The following SRP19 variants were observed in gnomAD, a reference collection of about 807,000 sequenced individuals.
The protein encoded by SRP19 is signal recognition particle 19.
Under a neutral mutation model 22.4 loss-of-function variants are expected in SRP19, and 11 were observed. The ratio of observed to expected loss-of-function variants is 0.49; its 90% CI spans 0.31 to 0.81. The LOEUF (loss-of-function observed/expected upper bound fraction) is 0.81. SRP19 is among the 40% of genes least tolerant of loss of function. The probability of loss-of-function intolerance (pLI) is 0.05; values close to 1 mark genes in which losing one functional copy is unlikely to be tolerated. For missense variants in SRP19, 168 were observed against 175.9 expected, an observed-to-expected ratio of 0.96 and a Z score of 0.25; for synonymous variants, 61 against 57.6, an observed-to-expected ratio of 1.06 and a Z score of -0.27.
chr5:112,867,695 C>T lies in SRP19; in HGVS notation c.*158C>T, dbSNP rs1160009114. 6 of 1,351,510 alleles carry T rather than the reference C, an allele frequency of 4.4e-6. No homozygotes were observed. The highest frequency in any genetic ancestry group is 5.7e-6 in the Non-Finnish European group (6 of 1,048,320). 83.7% of individuals were successfully genotyped at this position (1,351,510 alleles called of 1,614,324 possible). A position where few individuals can be genotyped will look rare whatever the true frequency, so the allele number is the denominator to read the frequency against. ...TTTATCATCGGAGTTGACAGTGAAA[C>T]AAATTTACATCAGAAGTTTGCATCT... On this transcript the variant is annotated 3_prime_UTR_variant, in exon 5 of 5. Coordinates refer to ENST00000505459, the MANE Select transcript of SRP19 (RefSeq NM_003135.3).
chr5:112,870,181 G>C (rs1308077462), downstream of SRP19, among the ~76,000 whole-genome samples: 1 of 152,152 alleles, frequency 6.6e-6, no homozygotes, highest in Non-Finnish European at 1.5e-5. Flanking sequence ...AGCTAAGGAA[G>C]AAAGTAGTTG....
chr5:112,886,893 G>C (rs1445643653), intron 4 of SRP19: 3 of 658,174 alleles, frequency 4.6e-6, no homozygotes, highest in African/African-American at 1.8e-5. Context: ...AGAAATCCCA[G>C]AGTAATGTTG....
chr5:112,889,591 A>G (rs1768369001), intron 4 of SRP19, among the ~76,000 whole-genome samples: 1 of 150,774 alleles, frequency 6.6e-6, no homozygotes, highest in South Asian at 2.1e-4. Context: ...ATATATAGCT[A>G]TAGATAGCTT....
In SRP19 at chr5:112,890,893, A is replaced by T. The variant is rs900123548; in HGVS notation, c.302-710A>T. Among the ~76,000 whole-genome samples, 16 of 150,684 alleles carry T rather than the reference A, an allele frequency of 1.1e-4. 1 individual carries two copies. The highest frequency in any genetic ancestry group is 5.9e-4 in the Admixed American group (9 of 15,134). On this transcript the variant is annotated intron_variant, in intron 4 of 4. Transcript: ENST00000391338. ...AAAATAGGTATTAATTGAAAATTTTAAAATTTACCCCTATAATTTTGTAAG... is the reference window on the plus strand; with the variant it reads ...AAAATAGGTATTAATTGAAAATTTTTAAATTTACCCCTATAATTTTGTAAG...
In SRP19 at chr5:112,875,051, C is replaced by A. The variant is rs1384472586; in HGVS notation, c.301+10319C>A. ...TTGGCCTCCCAGAGTGCTGGGATTA[C>A]AGGTGTGAACCACCGTGCCCGGCCC... is the stretch of plus-strand genomic sequence containing the variant. On this transcript the variant is annotated intron_variant, in intron 4 of 4. Transcript: ENST00000391338. Among the ~76,000 whole-genome samples, 4 of 152,198 alleles carry A rather than the reference C, an allele frequency of 2.6e-5. No homozygotes were observed. In the East Asian group the frequency reaches 7.7e-4, roughly 29 times the overall value.
chr5:112,887,150 G>A (rs780917971), intron 4 of SRP19: 8 of 1,608,924 alleles, frequency 5.0e-6, no homozygotes, highest in African/African-American at 1.3e-5. Flanking sequence ...CCATTAGAAG[G>A]GCTCGGGGCC....
intron 2 of SRP19, 83 bp downstream of exon 2, chr5:112,862,666 C>T: frequency 1.7e-6 from 2 of 1,205,020 alleles, no homozygotes; most frequent in South Asian, 1.3e-5. Context: ...GTTAGAGCCG[C>T]AGGGGGTTCT....
Position 112,867,972 on chromosome 5 carries a change from A to G in SRP19, c.*435A>G, listed in dbSNP as rs1173245974. 1 of 987,054 alleles carries G rather than the reference A, an allele frequency of 1.0e-6. No homozygotes were observed. The highest frequency in any genetic ancestry group is 1.2e-6 in the Non-Finnish European group (1 of 830,854). The allele number at this position is 987,054 out of a possible 1,614,324, so 61.1% of individuals were successfully genotyped here. On this transcript the variant is annotated 3_prime_UTR_variant, in exon 5 of 5. Coordinates refer to ENST00000505459, the MANE Select transcript of SRP19 (RefSeq NM_003135.3). Reference sequence around the variant, plus strand: ...AGGGATAATTAAGAATAAAATATGTAGTGAAAGTTTCCATAGTGTGAGGCT... The same window carrying G: ...AGGGATAATTAAGAATAAAATATGTGGTGAAAGTTTCCATAGTGTGAGGCT...
intron 4 of SRP19, among the ~76,000 whole-genome samples, chr5:112,881,128 CAAAAAAAAA>C (rs58737941): frequency 1.3e-4 from 9 of 67,220 alleles, no homozygotes; most frequent in East Asian, 1.0e-3. Flanking sequence ...GACTCTGTTT[CAAAAAAAAA>C]AAAAAAAAAA....
chr5:112,882,426 T>G (rs1457850125), intron 4 of SRP19, among the ~76,000 whole-genome samples: 1 of 152,196 alleles, frequency 6.6e-6, no homozygotes, highest in Non-Finnish European at 1.5e-5. Flanking sequence ...CATTAACCAC[T>G]CCACAGTCCC....
At chr5:112,878,825 A>G (rs1277573482) in intron 4 of SRP19, 3 of 1,614,010 alleles carry the variant, frequency 1.9e-6, no homozygotes, top group Non-Finnish European at 2.5e-6. Flanking sequence ...AATTCACGGT[A>G]GCTTTCTTCG....
intron 4 of SRP19, among the ~76,000 whole-genome samples, chr5:112,875,377 T>G (rs536325824): frequency 2.0e-4 from 30 of 151,874 alleles, no homozygotes; most frequent in African/African-American, 2.7e-4. Flanking sequence ...TTTTGGTTTT[T>G]TTTTTTTTTG....
intron 4 of SRP19, 169 bp from the exon 5 acceptor site, chr5:112,867,235 C>T: frequency 3.0e-6 from 2 of 671,072 alleles, no homozygotes. Context: ...GTACATTTCC[C>T]CCGACTTGAG....
chr5:112,875,372 GTTT>G (rs5870515), intron 4 of SRP19, among the ~76,000 whole-genome samples: 16 of 142,966 alleles, frequency 1.1e-4, no homozygotes, highest in South Asian at 2.2e-4. Flanking sequence ...TTTGTTTTTG[GTTT>G]TTTTTTTTTT....
chr5:112,871,959 T>G (rs748064425), downstream of SRP19, among the ~76,000 whole-genome samples: 1 of 152,216 alleles, frequency 6.6e-6, no homozygotes, highest in Admixed American at 6.5e-5. Context: ...CATCCTCTAC[T>G]CACTTCTTAA....
intron 2 of SRP19, 140 bp downstream of exon 2, chr5:112,862,723 G>C (rs1767453417): frequency 1.4e-6 from 1 of 725,216 alleles, no homozygotes; most frequent in Admixed American, 2.5e-5. Flanking sequence ...AAGAATTGGG[G>C]TGCGTTCCTC....
At chr5:112,863,108 G>C (rs1179736000) in intron 2 of SRP19, among the ~76,000 whole-genome samples, 3 of 152,136 alleles carry the variant, frequency 2.0e-5, no homozygotes, top group Non-Finnish European at 4.4e-5. Flanking sequence ...ACTCAAAAAA[G>C]AAAACACTAC....
intron 4 of SRP19, chr5:112,881,812 C>G (rs1236791404): frequency 6.6e-6 from 1 of 152,274 alleles, no homozygotes; most frequent in Non-Finnish European, 1.5e-5. Context: ...GTCACCCAGG[C>G]TGGAATGCAG....
chr5:112,863,527 C>T (rs146270234), intron 2 of SRP19, among the ~76,000 whole-genome samples: 33 of 152,250 alleles, frequency 2.2e-4, no homozygotes, highest in African/African-American at 7.9e-4. Context: ...AAAAATGTCT[C>T]CAAGCATTGC....
Sources: gnomAD v4.1 joint callset for allele counts (sites outside exome capture counted in the v4.1 genomes callset) on GRCh38, gnomAD v4.1.1 for gene constraint, MANE v1.5 for transcripts, NCBI Gene and HGNC (gene_info 2026-07-23, HGNC 2026-07-21) for gene names.